Variants in ENTREP2 observed in about 807,000 individuals in gnomAD.
ENTREP2 encodes endosomal transmembrane epsin interactor 2.
chr15:29,473,406 C>G, the ENTREP2 span, among the ~76,000 whole-genome samples: 1 of 152,098 alleles, frequency 6.6e-6, no homozygotes, highest in African/African-American at 2.4e-5. Flanking sequence ...CAGTTCCCCC[C>G]ATGTAGAGGA....
At chr15:29,381,191 T>A in the ENTREP2 span, among the ~76,000 whole-genome samples, 1 of 144,552 alleles carries the variant, frequency 6.9e-6, no homozygotes. Flanking sequence ...GCGCAGTGGC[T>A]CATGCCTGTA....
At chr15:29,675,168 G>A in the ENTREP2 span, 1 of 152,882 alleles carries the variant, frequency 6.5e-6, no homozygotes, top group Non-Finnish European at 1.5e-5. Flanking sequence ...TGCCAGGGTC[G>A]CCGAGCCTCC....
chr15:29,652,804 C>T, the ENTREP2 span, among the ~76,000 whole-genome samples: 1 of 152,238 alleles, frequency 6.6e-6, no homozygotes, highest in Non-Finnish European at 1.5e-5. Flanking sequence ...CTTGCTCATG[C>T]ACCTTGCCAC....
the ENTREP2 span, among the ~76,000 whole-genome samples, chr15:29,290,303 T>C: frequency 6.6e-6 from 1 of 152,226 alleles, no homozygotes; most frequent in Non-Finnish European, 1.5e-5. Flanking sequence ...CTCAGGGCTC[T>C]GCACGGGTTG....
the ENTREP2 span, among the ~76,000 whole-genome samples, chr15:29,284,841 T>C: frequency 4.7e-4 from 72 of 152,324 alleles, no homozygotes; most frequent in Non-Finnish European, 6.0e-4. Context: ...TGATCAACAG[T>C]GAGAGTGAAT....
chr15:29,431,785 T>C, the ENTREP2 span, among the ~76,000 whole-genome samples: 1 of 152,162 alleles, frequency 6.6e-6, no homozygotes, highest in Non-Finnish European at 1.5e-5. Flanking sequence ...AATAACAGTT[T>C]TTCTAGGGGA....
the ENTREP2 span, among the ~76,000 whole-genome samples, chr15:29,242,668 G>T: frequency 1.3e-5 from 2 of 152,212 alleles, no homozygotes; most frequent in African/African-American, 4.8e-5. Context: ...GCCAGGCCCT[G>T]GATGTGGGAC....
At chr15:29,583,144 C>A in the ENTREP2 span, among the ~76,000 whole-genome samples, 16 of 152,008 alleles carry the variant, frequency 1.1e-4, no homozygotes, top group Admixed American at 1.0e-3. Context: ...GACAATAATT[C>A]ATTATGCCAG....
At chr15:29,320,412 A>G in the ENTREP2 span, among the ~76,000 whole-genome samples, 1 of 152,176 alleles carries the variant, frequency 6.6e-6, no homozygotes, top group African/African-American at 2.4e-5. Flanking sequence ...TTAATATAAA[A>G]CCTCACAGGT....
the ENTREP2 span, among the ~76,000 whole-genome samples, chr15:29,607,660 C>T: frequency 6.6e-6 from 1 of 152,142 alleles, no homozygotes; most frequent in African/African-American, 2.4e-5. Flanking sequence ...TCTTTATTCT[C>T]TCTAGTTTTT....
At chr15:29,359,690 C>T in the ENTREP2 span, among the ~76,000 whole-genome samples, 1 of 152,118 alleles carries the variant, frequency 6.6e-6, no homozygotes, top group Non-Finnish European at 1.5e-5. Context: ...GGATTACAGG[C>T]GTGAGCCACT....
chr15:29,647,130 C>T, the ENTREP2 span, among the ~76,000 whole-genome samples: 2 of 152,208 alleles, frequency 1.3e-5, no homozygotes, highest in South Asian at 4.1e-4. Context: ...CTTGCCTAGA[C>T]CATGACTCTT....
At chr15:29,511,857 A>G in the ENTREP2 span, among the ~76,000 whole-genome samples, 1 of 148,872 alleles carries the variant, frequency 6.7e-6, no homozygotes, top group African/African-American at 2.5e-5. Context: ...GAGAAAATGT[A>G]TGCTGCCAAT....
the ENTREP2 span, among the ~76,000 whole-genome samples, chr15:29,142,869 CA>C: frequency 0.015 from 2,163 of 147,816 alleles, 55 homozygotes; most frequent in African/African-American, 0.049. Context: ...CATTTAAAAA[CA>C]AAAAAAAAAT....
the ENTREP2 span, among the ~76,000 whole-genome samples, chr15:29,373,426 T>C: frequency 6.6e-6 from 1 of 151,990 alleles, no homozygotes; most frequent in African/African-American, 2.4e-5. Context: ...AGAAATTAGT[T>C]TGGGTTTGGA....
chr15:29,157,438 C>T, the ENTREP2 span, among the ~76,000 whole-genome samples: 1 of 152,180 alleles, frequency 6.6e-6, no homozygotes, highest in South Asian at 2.1e-4. Context: ...AAAGATACAC[C>T]TCAGCATAGT....
chr15:29,647,704 G>A, the ENTREP2 span, among the ~76,000 whole-genome samples: 1 of 152,072 alleles, frequency 6.6e-6, no homozygotes, highest in African/African-American at 2.4e-5. Context: ...CTCCCAAAAG[G>A]GTACAATTTC....
the ENTREP2 span, among the ~76,000 whole-genome samples, chr15:29,654,769 C>G: frequency 6.6e-6 from 1 of 152,180 alleles, no homozygotes; most frequent in Non-Finnish European, 1.5e-5. Flanking sequence ...TACTAGACAA[C>G]AGAATTGCCT....
the ENTREP2 span, among the ~76,000 whole-genome samples, chr15:29,588,055 C>A: frequency 6.6e-6 from 1 of 152,122 alleles, no homozygotes; most frequent in Non-Finnish European, 1.5e-5. Flanking sequence ...TTAAAAGATA[C>A]AGGCACTGAG....
Sources: allele counts gnomAD v4.1 joint callset (sites outside exome capture counted in the v4.1 genomes callset), GRCh38; gene constraint gnomAD v4.1.1; transcripts MANE v1.5; gene names NCBI Gene and HGNC (gene_info 2026-07-23, HGNC 2026-07-21).